The following BPNT1 variants were observed in gnomAD, a reference collection of about 807,000 sequenced individuals.
The protein encoded by BPNT1 is 3'(2'),5'-bisphosphate nucleotidase 1.
Under a neutral mutation model 36.9 loss-of-function variants are expected in BPNT1, and 28 were observed. The observed-to-expected ratio is 0.76, with a 90% CI of 0.56 to 1.04. The LOEUF (loss-of-function observed/expected upper bound fraction) is 1.04. BPNT1 is among the 50% of genes least tolerant of loss of function. BPNT1 has a pLI of 0.00. For synonymous variants in BPNT1, 119 were observed against 130.9 expected, an observed-to-expected ratio of 0.91 and a Z score of 0.62; for missense variants, 313 against 372.9, an observed-to-expected ratio of 0.84 and a Z score of 1.32.
chr1:220,061,072 A>T (rs1202072969), intron 7 of BPNT1, among the ~76,000 whole-genome samples: 2 of 152,186 alleles, frequency 1.3e-5, no homozygotes, highest in African/African-American at 2.4e-5. Context: ...ATGTTTCCTA[A>T]TCAGATTTTA....
chr1:220,082,114 A>G (rs902525667), intron 1 of BPNT1, among the ~76,000 whole-genome samples: 14 of 143,834 alleles, frequency 9.7e-5, no homozygotes, highest in Non-Finnish European at 1.8e-4. Context: ...AGAGAGAGAG[A>G]GAGAGAGTGT....
At chr1:220,063,216 TG>T (rs1663221892) in intron 6 of BPNT1, among the ~76,000 whole-genome samples, 1 of 151,878 alleles carries the variant, frequency 6.6e-6, no homozygotes, top group African/African-American at 2.4e-5. Flanking sequence ...GGCATGGTGG[TG>T]GGTGCCTGTA....
intron 8 of BPNT1, among the ~76,000 whole-genome samples, chr1:220,059,243 CTTTTTTTTTTTTTTTT>C (rs11292010): frequency 1.7e-5 from 1 of 57,870 alleles, no homozygotes; most frequent in Non-Finnish European, 3.0e-5. Flanking sequence ...ATTTTCTTTT[CTTTTTTTTTTTTTTTT>C]TTTTTTTTGA....
At chr1:220,077,621 T>C (rs1345654170) in intron 2 of BPNT1, among the ~76,000 whole-genome samples, 1 of 152,138 alleles carries the variant, frequency 6.6e-6, no homozygotes, top group African/African-American at 2.4e-5. Context: ...GCAATTACAT[T>C]GAATGTTTTA....
chr1:220,079,699 G>T, intron 2 of BPNT1, 28 bp downstream of exon 2: 1 of 1,612,844 alleles, frequency 6.2e-7, no homozygotes, highest in Non-Finnish European at 8.5e-7. Context: ...AATCAAGTTG[G>T]TATGAAATGA....
intron 1 of BPNT1, among the ~76,000 whole-genome samples, chr1:220,081,542 CA>C (rs961741061): frequency 9.1e-4 from 123 of 135,140 alleles, no homozygotes; most frequent in Admixed American, 1.5e-3. Context: ...GAGTCCGTCT[CA>C]AAAAAAAAAA....
Position 220,058,015 on chromosome 1 carries a change from A to G in BPNT1, c.*829T>C. 1.7e-6 allele frequency: 1 copy of G among 571,604 alleles called. No individual in the cohort carries two copies. Among genetic ancestry groups the G allele is most frequent in the Non-Finnish European group, 2.6e-6 (1 of 386,884 alleles). The allele number at this position is 571,604 out of a possible 1,614,324, so 35.4% of individuals were successfully genotyped here. ...ACACGGTGAAACACCTTCTCTACTAAAAATACAAAAAATTAGCCAGGCGTG... is the reference window on the plus strand; with the variant it reads ...ACACGGTGAAACACCTTCTCTACTAGAAATACAAAAAATTAGCCAGGCGTG... On this transcript the variant is annotated 3_prime_UTR_variant, in exon 9 of 9. Transcript: ENST00000322067.
At chr1:220,071,348 C>T (rs919477841) in intron 4 of BPNT1, among the ~76,000 whole-genome samples, 2 of 152,144 alleles carry the variant, frequency 1.3e-5, no homozygotes, top group African/African-American at 4.8e-5. Context: ...TTATGTTCTT[C>T]TAAAAATATA....
chr1:220,084,562 T>G (rs1418063557), intron 1 of BPNT1, among the ~76,000 whole-genome samples: 1 of 152,200 alleles, frequency 6.6e-6, no homozygotes. Context: ...AATTCTTTTG[T>G]AATAGGAAGA....
intron 4 of BPNT1, among the ~76,000 whole-genome samples, 163 bp downstream of exon 4, chr1:220,072,687 A>G (rs1299842008): frequency 6.6e-6 from 1 of 152,178 alleles, no homozygotes; most frequent in Non-Finnish European, 1.5e-5. Flanking sequence ...CTCTAAATCC[A>G]TATGGTTGCC....
intron 2 of BPNT1, among the ~76,000 whole-genome samples, chr1:220,079,514 A>G (rs777010047): frequency 2.0e-5 from 3 of 152,048 alleles, no homozygotes; most frequent in Non-Finnish European, 2.9e-5. Context: ...GGTCTCCCAA[A>G]GTACTGGGAT....
chr1:220,080,187 G>A (rs147438719), intron 1 of BPNT1, among the ~76,000 whole-genome samples: 4 of 152,172 alleles, frequency 2.6e-5, no homozygotes, highest in African/African-American at 9.7e-5. Flanking sequence ...TGCTTTGTAG[G>A]CTAAAAATAT....
At chr1:220,059,827 T>C (rs778282560) in intron 7 of BPNT1, 36 bp from the exon 8 acceptor site, 6 of 1,441,534 alleles carry the variant, frequency 4.2e-6, no homozygotes, top group South Asian at 2.5e-5. Flanking sequence ...CCTTTGATAA[T>C]AGAAAGAATA....
intron 4 of BPNT1, among the ~76,000 whole-genome samples, chr1:220,071,497 C>A (rs191449170): frequency 2.2e-4 from 34 of 152,240 alleles, no homozygotes; most frequent in African/African-American, 8.2e-4. Flanking sequence ...GAGACAGGGT[C>A]TCACTCTGCT....
Position 220,081,919 on chromosome 1 carries a change from G to A in BPNT1, c.-8-2065C>T, listed in dbSNP as rs566727077. ...CCCCTTCCCTTCCACAAATGATTCCGAAAGCACTCCCTAATAAACCTCTTC... is the reference window on the plus strand; with the variant it reads ...CCCCTTCCCTTCCACAAATGATTCCAAAAGCACTCCCTAATAAACCTCTTC... On this transcript the variant is annotated intron_variant, in intron 1 of 8. Transcript: ENST00000322067. 2.4e-4 allele frequency among the ~76,000 whole-genome samples: 37 copies of A among 151,530 alleles called. No homozygotes were observed. The Middle Eastern group carries it at 0.02, about 84-fold the overall frequency.
intron 4 of BPNT1, among the ~76,000 whole-genome samples, chr1:220,071,966 C>G (rs536843016): frequency 6.6e-6 from 1 of 152,014 alleles, no homozygotes; most frequent in South Asian, 2.1e-4. Context: ...GGATTATAGG[C>G]GTGAGCCACC....
chr1:220,061,198 T>C (rs1662997174), intron 7 of BPNT1, among the ~76,000 whole-genome samples: 1 of 152,144 alleles, frequency 6.6e-6, no homozygotes, highest in Admixed American at 6.5e-5. Context: ...CGCCACAAAA[T>C]ACAAACTTTT....
intron 1 of BPNT1, among the ~76,000 whole-genome samples, chr1:220,085,605 G>A (rs562987357): frequency 7.8e-4 from 119 of 152,222 alleles, no homozygotes; most frequent in Non-Finnish European, 1.4e-3. Context: ...TCCTTATTTC[G>A]GTTATTTTGC....
chr1:220,078,058 C>T (rs1664716562), intron 2 of BPNT1, among the ~76,000 whole-genome samples: 1 of 151,498 alleles, frequency 6.6e-6, no homozygotes, highest in African/African-American at 2.4e-5. Flanking sequence ...GCCTGTAGTC[C>T]TAACTACTCA....
Sources: allele counts gnomAD v4.1 joint callset (sites outside exome capture counted in the v4.1 genomes callset), GRCh38; gene constraint gnomAD v4.1.1; transcripts MANE v1.5; gene names NCBI Gene and HGNC (gene_info 2026-07-23, HGNC 2026-07-21).